AKAP6: variants seen among roughly 807,000 people sequenced by gnomAD.
The protein encoded by AKAP6 is A-kinase anchoring protein 6, also known as A-kinase anchor protein 6.
Under a neutral mutation model 188.5 loss-of-function variants are expected in AKAP6, and 58 were observed. The observed-to-expected ratio is 0.31, with a 90% CI of 0.25 to 0.38. The LOEUF (loss-of-function observed/expected upper bound fraction) is 0.38, where lower values mean the gene tolerates loss of function less well. Among genes scored for constraint, AKAP6 ranks in the 10% least tolerant of loss-of-function variants. AKAP6 has a pLI of 1.00. For missense variants in AKAP6, 2,710 were observed against 2,740.0 expected, an observed-to-expected ratio of 0.99 and a Z score of 0.24; for synonymous variants, 989 against 998.6, an observed-to-expected ratio of 0.99 and a Z score of 0.18.
chr14:32,386,019 A>G (rs989785341), intron 1 of AKAP6, among the ~76,000 whole-genome samples: 4 of 150,618 alleles, frequency 2.7e-5, no homozygotes, highest in East Asian at 3.9e-4. Context: ...ATCTATATCT[A>G]TCTATCTATC....
intron 8 of AKAP6, among the ~76,000 whole-genome samples, chr14:32,684,146 G>A (rs1458653944): frequency 2.0e-5 from 3 of 152,100 alleles, no homozygotes; most frequent in Non-Finnish European, 4.4e-5. Flanking sequence ...AAGCAGAACT[G>A]GAGCTCAGAA....
intron 1 of AKAP6, among the ~76,000 whole-genome samples, chr14:32,353,493 A>G (rs10143009): frequency 0.32 from 47,894 of 152,044 alleles, 8,250 homozygotes; most frequent in African/African-American, 0.46. Context: ...CCCGGGCGGT[A>G]GAGGTTGCAG....
intron 1 of AKAP6, among the ~76,000 whole-genome samples, chr14:32,404,115 A>G (rs1889191598): frequency 6.6e-6 from 1 of 152,094 alleles, no homozygotes; most frequent in Admixed American, 6.6e-5. Context: ...TTTTTTTGAA[A>G]AATATTAACA....
At chr14:32,702,521 G>A (rs1890654940) in intron 9 of AKAP6, among the ~76,000 whole-genome samples, 1 of 151,416 alleles carries the variant, frequency 6.6e-6, no homozygotes, top group South Asian at 2.1e-4. Context: ...TCATGCTGGA[G>A]CCTGTAATTC....
intron 12 of AKAP6, among the ~76,000 whole-genome samples, chr14:32,819,169 T>G (rs1474321507): frequency 6.6e-6 from 1 of 152,214 alleles, no homozygotes; most frequent in Non-Finnish European, 1.5e-5. Flanking sequence ...ACATTGGCAG[T>G]GGGAAAGATT....
At chr14:32,731,557 A>G (rs574413605) in intron 9 of AKAP6, among the ~76,000 whole-genome samples, 1 of 152,262 alleles carries the variant, frequency 6.6e-6, no homozygotes, top group East Asian at 1.9e-4. Flanking sequence ...TAAAATTGCT[A>G]TTATATCTTG....
At position 32,822,671 on chromosome 14, in the gene AKAP6, G is replaced by A. The variant is rs756942987; in HGVS notation, c.4858G>A (p.Val1620Met). The A allele has an allele frequency of 2.4e-5, 38 of 1,613,846 alleles. No homozygotes were observed. The East Asian group carries it at 2.5e-4, about 10-fold the overall frequency. ...CTGTCACAGCTCTGGGGATATAAGC[G>A]TGAGCAGTGGCTCAGTTGGTGAACT... Reference protein sequence around the residue: ...FSCHSSGDISVSSGSVGELSK... With the variant: ...FSCHSSGDISMSSGSVGELSK... The change falls in exon 13 of 14, where the codon GTG becomes ATG. Residue 1620 changes from valine to methionine, a missense_variant. Coordinates refer to ENST00000280979, the MANE Select transcript of AKAP6 (RefSeq NM_004274.5).
chr14:32,584,690 CTA>C (rs140642645), intron 5 of AKAP6, among the ~76,000 whole-genome samples: 5,553 of 152,234 alleles, frequency 0.036, 356 homozygotes, highest in African/African-American at 0.13. Flanking sequence ...CTTTATGACA[CTA>C]TTAGGTTAGT....
At chr14:32,666,788 G>T (rs1888957409) in intron 7 of AKAP6, among the ~76,000 whole-genome samples, 1 of 151,866 alleles carries the variant, frequency 6.6e-6, no homozygotes, top group South Asian at 2.1e-4. Flanking sequence ...AATTGGAAAA[G>T]ACCATCATTT....
At chr14:32,339,109 G>T (rs1247359438) in intron 1 of AKAP6, among the ~76,000 whole-genome samples, 3 of 151,812 alleles carry the variant, frequency 2.0e-5, no homozygotes, top group African/African-American at 7.3e-5. Flanking sequence ...TTTCTCCCTG[G>T]TATAATATAA....
chr14:32,488,334 G>T (rs1879813102), intron 2 of AKAP6, among the ~76,000 whole-genome samples: 1 of 152,156 alleles, frequency 6.6e-6, no homozygotes, highest in Non-Finnish European at 1.5e-5. Flanking sequence ...ACTGTGAGGG[G>T]AAAACTGCCT....
chr14:32,385,566 C>A (rs1342440835), intron 1 of AKAP6, among the ~76,000 whole-genome samples: 1 of 151,724 alleles, frequency 6.6e-6, no homozygotes, highest in African/African-American at 2.4e-5. Context: ...CCCCTTCCCA[C>A]CCTTTCCCCC....
At chr14:32,464,070 A>T (rs892809717) in intron 2 of AKAP6, among the ~76,000 whole-genome samples, 1 of 152,216 alleles carries the variant, frequency 6.6e-6, no homozygotes, top group Non-Finnish European at 1.5e-5. Context: ...TGAATAGACC[A>T]ATAACAAGTT....
chr14:32,570,543 A>G (rs1271806636), intron 4 of AKAP6, among the ~76,000 whole-genome samples: 1 of 152,144 alleles, frequency 6.6e-6, no homozygotes, highest in Non-Finnish European at 1.5e-5. Context: ...TGAAATTGGA[A>G]CTTTTGTGAA....
chr14:32,636,884 A>G (rs1887516495), intron 7 of AKAP6, among the ~76,000 whole-genome samples: 1 of 152,030 alleles, frequency 6.6e-6, no homozygotes, highest in Non-Finnish European at 1.5e-5. Context: ...GGGTGGCATG[A>G]TCAGCTGTGC....
intron 2 of AKAP6, among the ~76,000 whole-genome samples, chr14:32,492,355 T>TATATATATATATATATATATATAG: frequency 1.1e-3 from 94 of 82,582 alleles, no homozygotes; most frequent in Non-Finnish European, 1.7e-3. Flanking sequence ...TATATATATA[T>TATATATATATATATATATATATAG]AGAGAGAGAG....
intron 2 of AKAP6, among the ~76,000 whole-genome samples, chr14:32,436,387 G>C (rs1403926979): frequency 6.6e-6 from 1 of 152,104 alleles, no homozygotes; most frequent in African/African-American, 2.4e-5. Flanking sequence ...AATCTTACCA[G>C]TTTCAGTAAA....
At chr14:32,446,516 T>A (rs563924045) in intron 2 of AKAP6, among the ~76,000 whole-genome samples, 2 of 152,080 alleles carry the variant, frequency 1.3e-5, no homozygotes, top group East Asian at 3.9e-4. Flanking sequence ...CAAAAAAAAA[T>A]TTATTTTTAC....
intron 9 of AKAP6, among the ~76,000 whole-genome samples, chr14:32,722,715 C>T (rs2030611876): frequency 6.6e-6 from 1 of 152,124 alleles, no homozygotes; most frequent in South Asian, 2.1e-4. Context: ...ATTATCTTCT[C>T]ACTCCATCGC....
Sources: allele counts gnomAD v4.1 joint callset (sites outside exome capture counted in the v4.1 genomes callset), GRCh38; gene constraint gnomAD v4.1.1; transcripts MANE v1.5; gene names NCBI Gene and HGNC (gene_info 2026-07-23, HGNC 2026-07-21).